Variants in VWC2L observed in about 807,000 individuals in gnomAD.
The protein encoded by VWC2L is von Willebrand factor C domain-containing protein 2-like.
A neutral mutation model predicts 21.6 loss-of-function variants in VWC2L; 10 were observed. The observed-to-expected ratio is 0.46, with a 90% CI of 0.29 to 0.78. The LOEUF is 0.78. Among genes scored for constraint, VWC2L ranks in the 30% least tolerant of loss-of-function variants. VWC2L has a pLI of 0.10. For synonymous variants in VWC2L, 96 were observed against 94.3 expected (o/e 1.02, Z -0.10); for missense variants, 209 against 277.1 (o/e 0.75, Z 1.74).
At chr2:214,479,650 T>TA (rs1283791651) in intron 3 of VWC2L, among the ~76,000 whole-genome samples, 50 of 152,048 alleles carry the variant, frequency 3.3e-4, no homozygotes, top group African/African-American at 1.1e-3. Context: ...ACTAAAAATA[T>TA]AAAAATTAGC....
intron 3 of VWC2L, among the ~76,000 whole-genome samples, chr2:214,542,734 C>T (rs1259858952): frequency 2.0e-5 from 3 of 152,120 alleles, no homozygotes; most frequent in Admixed American, 6.5e-5. Context: ...ACACTCTCTC[C>T]GCCTTTCCTA....
intron 3 of VWC2L, among the ~76,000 whole-genome samples, chr2:214,570,218 C>G (rs895898342): frequency 6.6e-6 from 1 of 152,174 alleles, no homozygotes; most frequent in African/African-American, 2.4e-5. Context: ...AGCCACCTCA[C>G]CAGAGCAACT....
chr2:214,495,997 G>A (rs999036883), intron 3 of VWC2L, among the ~76,000 whole-genome samples: 4 of 151,884 alleles, frequency 2.6e-5, no homozygotes, highest in South Asian at 4.1e-4. Flanking sequence ...CTATTTCATC[G>A]CTGTGTGAAC....
intron 3 of VWC2L, among the ~76,000 whole-genome samples, chr2:214,463,828 G>C (rs760085821): frequency 9.9e-5 from 15 of 151,884 alleles, no homozygotes; most frequent in Non-Finnish European, 2.1e-4. Context: ...GATCTTGTAG[G>C]CATGCTTCAT....
At chr2:214,460,942 G>A (rs1703131322) in intron 3 of VWC2L, among the ~76,000 whole-genome samples, 1 of 152,118 alleles carries the variant, frequency 6.6e-6, no homozygotes, top group South Asian at 2.1e-4. Context: ...CTGTATCTAT[G>A]GTATTGTCTG....
At chr2:214,554,264 C>T (rs532595233) in intron 3 of VWC2L, among the ~76,000 whole-genome samples, 1 of 152,212 alleles carries the variant, frequency 6.6e-6, no homozygotes, top group African/African-American at 2.4e-5. Flanking sequence ...TGTACGGTGT[C>T]AACCAAAAAT....
intron 3 of VWC2L, among the ~76,000 whole-genome samples, chr2:214,508,027 A>G (rs1688992000): frequency 6.6e-6 from 1 of 152,096 alleles, no homozygotes; most frequent in African/African-American, 2.4e-5. Flanking sequence ...CCCAGGCTGG[A>G]GTGCAGTGGC....
At chr2:214,534,718 AG>A (rs1689499132) in intron 3 of VWC2L, among the ~76,000 whole-genome samples, 1 of 152,108 alleles carries the variant, frequency 6.6e-6, no homozygotes. Context: ...TCTGTGCTCT[AG>A]GCCTGACTTT....
intron 3 of VWC2L, among the ~76,000 whole-genome samples, chr2:214,460,180 C>T (rs1288487094): frequency 5.3e-5 from 8 of 152,110 alleles, no homozygotes; most frequent in Non-Finnish European, 1.0e-4. Flanking sequence ...AGATCACAGG[C>T]GTGAGCCACC....
At chr2:214,482,949 A>G (rs1337766513) in intron 3 of VWC2L, among the ~76,000 whole-genome samples, 1 of 152,142 alleles carries the variant, frequency 6.6e-6, no homozygotes, top group Non-Finnish European at 1.5e-5. Context: ...ACTTGTGTGC[A>G]GTCTCTCAAC....
At chr2:214,423,614 C>A (rs977748335) in intron 2 of VWC2L, among the ~76,000 whole-genome samples, 1 of 151,898 alleles carries the variant, frequency 6.6e-6, no homozygotes, top group Non-Finnish European at 1.5e-5. Context: ...TACAAGTAGA[C>A]AAGAACAATA....
chr2:214,508,596 T>C (rs1052832412), intron 3 of VWC2L, among the ~76,000 whole-genome samples: 6 of 152,250 alleles, frequency 3.9e-5, no homozygotes, highest in African/African-American at 1.4e-4. Context: ...TGTGAATTTG[T>C]TCTATCCTAG....
At position 214,419,740 on chromosome 2, in the gene VWC2L, T is replaced by C. The variant is rs535173219; in HGVS notation, c.390+5157T>C. Among the ~76,000 whole-genome samples, 9 of 152,304 alleles carry C rather than the reference T, an allele frequency of 5.9e-5. 1 individual carries two copies. The South Asian group carries it at 6.2e-4, about 11-fold the overall frequency. ...CGAAAGGTGCGGTGTGAATATTTTT[T>C]CAAGTCAAATGTCTTATGGGTTTGT... is the stretch of plus-strand genomic sequence containing the variant. On this transcript the variant is annotated intron_variant, in intron 2 of 3. Coordinates refer to ENST00000312504, the MANE Select transcript of VWC2L (RefSeq NM_001080500.4).
intron 3 of VWC2L, among the ~76,000 whole-genome samples, chr2:214,476,245 T>C (rs1161953024): frequency 2.0e-5 from 3 of 152,156 alleles, no homozygotes; most frequent in African/African-American, 7.2e-5. Flanking sequence ...GAAGCACATA[T>C]TGCATTATTG....
chr2:214,453,858 T>C (rs1006059356), intron 3 of VWC2L, among the ~76,000 whole-genome samples: 1 of 151,812 alleles, frequency 6.6e-6, no homozygotes, highest in Non-Finnish European at 1.5e-5. Flanking sequence ...GTAGCTAAGA[T>C]TACAGGCGTG....
intron 3 of VWC2L, among the ~76,000 whole-genome samples, chr2:214,464,650 A>G (rs1033196048): frequency 3.9e-5 from 6 of 152,124 alleles, no homozygotes; most frequent in African/African-American, 1.2e-4. Context: ...CTTACTGCCA[A>G]TGTTCACTCA....
At chr2:214,475,499 C>G (rs1286226867) in intron 3 of VWC2L, among the ~76,000 whole-genome samples, 1 of 151,836 alleles carries the variant, frequency 6.6e-6, no homozygotes, top group Non-Finnish European at 1.5e-5. Flanking sequence ...GAAAAATATA[C>G]CCATATTATT....
chr2:214,432,633 A>G (rs1402050703), intron 2 of VWC2L, among the ~76,000 whole-genome samples: 1 of 152,152 alleles, frequency 6.6e-6, no homozygotes, highest in Non-Finnish European at 1.5e-5. Context: ...TTTATGAAAG[A>G]GTCTCATTTT....
At chr2:214,498,487 CT>C (rs897648787) in intron 3 of VWC2L, among the ~76,000 whole-genome samples, 1 of 151,952 alleles carries the variant, frequency 6.6e-6, no homozygotes, top group Non-Finnish European at 1.5e-5. Flanking sequence ...CTCAATATTT[CT>C]TTTTCTTAAT....
Sources: gnomAD v4.1 joint callset for allele counts (sites outside exome capture counted in the v4.1 genomes callset) on GRCh38, gnomAD v4.1.1 for gene constraint, MANE v1.5 for transcripts, NCBI Gene and HGNC (gene_info 2026-07-23, HGNC 2026-07-21) for gene names.